HNRNPR: variants seen among roughly 807,000 people sequenced by gnomAD.
HNRNPR encodes heterogeneous nuclear ribonucleoprotein R.
In HNRNPR, 4 loss-of-function variants were observed where a neutral mutation model predicts 70.3. The ratio of observed to expected loss-of-function variants is 0.06; its 90% CI spans 0.03 to 0.13. The LOEUF is 0.13. Among genes scored for constraint, HNRNPR ranks in the 10% least tolerant of loss-of-function variants. The probability of loss-of-function intolerance (pLI) is 1.00; values close to 1 mark genes in which losing one functional copy is unlikely to be tolerated. For synonymous variants in HNRNPR, 241 were observed against 267.6 expected (o/e 0.90, Z 0.97); for missense variants, 423 against 788.5 (o/e 0.54, Z 5.55).
chr1:23,340,843 A>G lies in HNRNPR; in HGVS notation c.157+9T>C. 1.3e-6 allele frequency: 2 copies of G among 1,597,992 alleles called. No homozygotes were observed. Among genetic ancestry groups the G allele is most frequent in the Non-Finnish European group, 1.7e-6 (2 of 1,173,786 alleles). On this transcript the variant is annotated intron_variant, in intron 2 of 10. Transcript: ENST00000302271. ...ATAACCAGTCAGAAACAAGAAATGC[A>G]TATTATACCTGTCTGAAATATTTCA...
chr1:23,331,909 T>C (rs1421616562), intron 5 of HNRNPR, among the ~76,000 whole-genome samples: 3 of 149,220 alleles, frequency 2.0e-5, no homozygotes, highest in Admixed American at 6.6e-5. Flanking sequence ...TTTTCTCCAT[T>C]TGAAGGATGA....
chr1:23,330,602 A>G (rs1258054472), intron 5 of HNRNPR, among the ~76,000 whole-genome samples: 1 of 152,168 alleles, frequency 6.6e-6, no homozygotes, highest in Admixed American at 6.6e-5. Context: ...GAAGAATACA[A>G]AAATACTACA....
rs975424129 is a variant in HNRNPR, at chr1:23,306,616, A to C, written c.*3838T>G. On this transcript the variant is annotated 3_prime_UTR_variant, in exon 11 of 11. Coordinates refer to ENST00000302271, the MANE Select transcript of HNRNPR (RefSeq NM_005826.5). Reference sequence around the variant, plus strand: ...ACAAAAAAACAAAACAAAACAAAACAAAACCAGAGCTTCTGGTAACCTCTA... The same window carrying C: ...ACAAAAAAACAAAACAAAACAAAACCAAACCAGAGCTTCTGGTAACCTCTA... 7 of 152,068 alleles carry C rather than the reference A, an allele frequency of 4.6e-5. No homozygotes were observed. Among genetic ancestry groups the C allele is most frequent in the African/African-American group, 1.4e-4 (6 of 41,430 alleles). The allele number at this position is 152,068 out of a possible 1,614,324, so 9.4% of individuals were successfully genotyped here.
Position 23,306,497 on chromosome 1 carries a change from C to T in HNRNPR, c.*3957G>A, listed in dbSNP as rs1170236966. 6.6e-6 allele frequency: 1 copy of T among 151,894 alleles called. No individual in the cohort carries two copies. The highest frequency in any genetic ancestry group is 2.4e-5 in the African/African-American group (1 of 41,332). The allele number at this position is 151,894 out of a possible 1,614,324, so 9.4% of individuals were successfully genotyped here. On this transcript the variant is annotated 3_prime_UTR_variant, in exon 11 of 11. Coordinates refer to ENST00000302271, the MANE Select transcript of HNRNPR (RefSeq NM_005826.5). ...TGTCAGGTCAGGGCAGCCTCAACCTCGCTTCCCTGATAGTCAGGTGATAAA... is the reference window on the plus strand; with the variant it reads ...TGTCAGGTCAGGGCAGCCTCAACCTTGCTTCCCTGATAGTCAGGTGATAAA...
At position 23,308,543 on chromosome 1, in the gene HNRNPR, AAG is replaced by A. The variant is rs1295172447; in HGVS notation, c.*1909_*1910del. 6.6e-6 allele frequency: 1 copy of A among 152,094 alleles called. No individual in the cohort carries two copies. Among genetic ancestry groups the A allele is most frequent in the Non-Finnish European group, 1.5e-5 (1 of 67,926 alleles). 9.4% of individuals were successfully genotyped at this position (152,094 alleles called of 1,614,324 possible). On this transcript the variant is annotated 3_prime_UTR_variant, in exon 11 of 11. Transcript: ENST00000302271. ...TGTCTTTACTTGCATACATGGGCAT[AAG>A]AAAAACAACTGGATCTGTCTTACCA...
chr1:23,305,557 A>T lies in HNRNPR; in HGVS notation c.*4897T>A, dbSNP rs1039813164. Reference sequence around the variant, plus strand: ...GGCATGAAAATCCATAATTACTTTTAATCAGTGTTTATACCATATTACAAT... The same window carrying T: ...GGCATGAAAATCCATAATTACTTTTTATCAGTGTTTATACCATATTACAAT... On this transcript the variant is annotated 3_prime_UTR_variant, in exon 11 of 11. Transcript: ENST00000302271. 6.6e-6 allele frequency: 1 copy of T among 152,202 alleles called. No homozygotes were observed. Among genetic ancestry groups the T allele is most frequent in the Non-Finnish European group, 1.5e-5 (1 of 68,004 alleles). 9.4% of individuals were successfully genotyped at this position (152,202 alleles called of 1,614,324 possible). A position where few individuals can be genotyped will look rare whatever the true frequency, so the allele number is the denominator to read the frequency against.
intron 5 of HNRNPR, among the ~76,000 whole-genome samples, chr1:23,332,581 T>C (rs746654663): frequency 3.3e-5 from 5 of 151,062 alleles, no homozygotes; most frequent in Admixed American, 2.0e-4. Flanking sequence ...ATGCCAGTAA[T>C]CCCAGTTACT....
intron 1 of HNRNPR, among the ~76,000 whole-genome samples, chr1:23,342,105 C>T (rs1570143425): frequency 6.6e-6 from 1 of 152,156 alleles, no homozygotes; most frequent in African/African-American, 2.4e-5. Context: ...AAAAAGCCTA[C>T]TTTTCTTGAT....
At position 23,321,678 on chromosome 1, in the gene HNRNPR, G is replaced by C. The variant is rs1645764032; in HGVS notation, c.676-15C>G. The stretch of plus-strand genomic sequence containing the variant: ...TAGCTGTCACACTGCAATAAGAAAA[G>C]AACCAGAGACCCCAAAACCACCCCA... On this transcript the variant is annotated splice_polypyrimidine_tract_variant and intron_variant, in intron 6 of 10. Coordinates refer to ENST00000302271, the MANE Select transcript of HNRNPR (RefSeq NM_005826.5). 1 of 1,598,910 alleles carries C rather than the reference G, an allele frequency of 6.3e-7. No homozygotes were observed. Among genetic ancestry groups the C allele is most frequent in the Middle Eastern group, 1.7e-4 (1 of 5,988 alleles).
intron 5 of HNRNPR, among the ~76,000 whole-genome samples, chr1:23,324,597 A>C (rs1270559127): frequency 1.3e-5 from 2 of 151,890 alleles, no homozygotes; most frequent in African/African-American, 2.4e-5. Context: ...ATAAAAAGCA[A>C]TCTCAATATT....
intron 5 of HNRNPR, among the ~76,000 whole-genome samples, chr1:23,329,308 T>G (rs901411476): frequency 6.6e-6 from 1 of 152,152 alleles, no homozygotes; most frequent in Admixed American, 6.5e-5. Flanking sequence ...AAGGCTAAAG[T>G]TTTCAAAAAC....
chr1:23,343,309 G>A (rs1292737148), intron 1 of HNRNPR, among the ~76,000 whole-genome samples: 1 of 152,178 alleles, frequency 6.6e-6, no homozygotes, highest in Non-Finnish European at 1.5e-5. Context: ...CATATTAAGA[G>A]ACGGGCTTTA....
Position 23,313,711 on chromosome 1 carries a change from C to G in HNRNPR, c.1018-9G>C. On this transcript the variant is annotated splice_polypyrimidine_tract_variant and intron_variant, in intron 8 of 10. Coordinates refer to ENST00000302271, the MANE Select transcript of HNRNPR (RefSeq NM_005826.5). ...ACAAACAAAACTTTTACCTAGTAAG[C>G]AACAAATAAACAAAACCGTCATTGG... 1 of 1,598,748 alleles carries G rather than the reference C, an allele frequency of 6.3e-7. No homozygotes were observed. The highest frequency in any genetic ancestry group is 2.2e-5 in the East Asian group (1 of 44,458).
At position 23,343,660 on chromosome 1, in the gene HNRNPR, G is replaced by A. The variant is rs904203719; in HGVS notation, c.-10+551C>T. 3.3e-5 allele frequency among the ~76,000 whole-genome samples: 5 copies of A among 152,352 alleles called. No homozygotes were observed. In the South Asian group the frequency reaches 1.0e-3, roughly 32 times the overall value. ...TCAGCCCGCGGCATGCAGAATGTGG[G>A]AGGGGAGGGAGGCTTCCCACACAAA... is the stretch of plus-strand genomic sequence containing the variant. On this transcript the variant is annotated intron_variant, in intron 1 of 10. Transcript: ENST00000302271.
intron 5 of HNRNPR, among the ~76,000 whole-genome samples, chr1:23,329,290 G>C (rs1646123904): frequency 6.6e-6 from 1 of 152,118 alleles, no homozygotes; most frequent in Non-Finnish European, 1.5e-5. Context: ...GACCTAAAAA[G>C]AATTTAAAAG....
chr1:23,336,176 G>A lies in HNRNPR; in HGVS notation c.384+1578C>T, dbSNP rs1472952750. On this transcript the variant is annotated intron_variant, in intron 4 of 10. Coordinates refer to ENST00000302271, the MANE Select transcript of HNRNPR (RefSeq NM_005826.5). ...ATGGTGGCTCACACCTGTAATCCCA[G>A]CACTTTGGGGAGGGTGAGGTAGGCA... Among the ~76,000 whole-genome samples, 10 of 149,792 alleles carry A rather than the reference G, an allele frequency of 6.7e-5. No individual in the cohort carries two copies. The South Asian group carries it at 2.1e-3, about 32-fold the overall frequency.
In HNRNPR at chr1:23,315,100, T is replaced by C. The variant is rs528276107; in HGVS notation, c.1018-1398A>G. Reference sequence around the variant, plus strand: ...TTCAAGACCAGCCTGGCCAGCATGGTGAAACCCTGTCTCTACTAAAAATAC... The same window carrying C: ...TTCAAGACCAGCCTGGCCAGCATGGCGAAACCCTGTCTCTACTAAAAATAC... On this transcript the variant is annotated intron_variant, in intron 8 of 10. Coordinates refer to ENST00000302271, the MANE Select transcript of HNRNPR (RefSeq NM_005826.5). Among the ~76,000 whole-genome samples, 7 of 151,920 alleles carry C rather than the reference T, an allele frequency of 4.6e-5. No homozygotes were observed. In the South Asian group the frequency reaches 1.0e-3, roughly 23 times the overall value.
In HNRNPR at chr1:23,318,656, G is replaced by C. The variant is rs974853002; in HGVS notation, c.844C>G (p.Pro282Ala). 1 of 1,614,182 alleles carries C rather than the reference G, an allele frequency of 6.2e-7. No homozygotes were observed. Among genetic ancestry groups the C allele is most frequent in the Non-Finnish European group, 8.5e-7 (1 of 1,180,052 alleles). The change falls in exon 8 of 11, where the codon CCC becomes GCC. Residue 282 changes from proline to alanine, a missense_variant. Transcript: ENST00000302271. This position sits in a 1 kb window ranked among gnomAD's most constrained non-coding sequence, Gnocchi z 4.2. ...CCCCGATTCTTCTTTTTGTCATCGG[G>C]TTGATGATAGAGAATAACGTCCACC... ...GLVDVILYHQ[P>A]DDKKKNRGFC...
chr1:23,336,794 T>C (rs894153692), intron 4 of HNRNPR, among the ~76,000 whole-genome samples: 1 of 150,294 alleles, frequency 6.7e-6, no homozygotes, highest in Non-Finnish European at 1.5e-5. Flanking sequence ...AAGAAAAGTA[T>C]GTCACTACAG....
Sources: allele counts gnomAD v4.1 joint callset (sites outside exome capture counted in the v4.1 genomes callset), GRCh38; gene constraint gnomAD v4.1.1; non-coding constraint Gnocchi (gnomAD v3.1); transcripts MANE v1.5; gene names NCBI Gene and HGNC (gene_info 2026-07-23, HGNC 2026-07-21).